FLRT2: variants seen among roughly 807,000 people sequenced by gnomAD.
FLRT2 encodes fibronectin leucine rich transmembrane protein 2, also known as leucine-rich repeat transmembrane protein FLRT2.
FLRT2 carries 15 observed loss-of-function variants against 40.0 expected under a neutral mutation model. The observed-to-expected ratio is 0.38, with a 90% confidence interval of 0.25 to 0.58. The LOEUF (loss-of-function observed/expected upper bound fraction) is 0.58, where lower values mean the gene tolerates loss of function less well. Ranked by LOEUF, FLRT2 falls within the 20% of genes least tolerant of loss-of-function variation. FLRT2 has a pLI of 0.71. For synonymous variants in FLRT2, 380 were observed against 336.8 expected, an observed-to-expected ratio of 1.13 and a Z score of -1.41; for missense variants, 726 against 840.0, an observed-to-expected ratio of 0.86 and a Z score of 1.68.
chr14:85,638,533 G>C lies in FLRT2; in HGVS notation c.*15036G>C, dbSNP rs771844186. ...GTGTCAGCTGCAAAAACCCTCCCAA[G>C]TAAGCCTCTTGTATGCTACTCTGTC... On this transcript the variant is annotated 3_prime_UTR_variant, in exon 2 of 2. Coordinates refer to ENST00000330753, the MANE Select transcript of FLRT2 (RefSeq NM_013231.6). 3.9e-5 allele frequency: 6 copies of C among 152,174 alleles called. No homozygotes were observed. Among genetic ancestry groups the C allele is most frequent in the Non-Finnish European group, 8.8e-5 (6 of 68,094 alleles). 9.4% of individuals were successfully genotyped at this position (152,174 alleles called of 1,614,324 possible).
intron 1 of FLRT2, among the ~76,000 whole-genome samples, chr14:85,607,778 T>A (rs1892687141): frequency 6.6e-6 from 1 of 152,198 alleles, no homozygotes; most frequent in Non-Finnish European, 1.5e-5. Flanking sequence ...TATTAAGAAA[T>A]CAAGCGTCTC....
intron 1 of FLRT2, among the ~76,000 whole-genome samples, chr14:85,620,227 T>C (rs1313593745): frequency 6.6e-6 from 1 of 152,244 alleles, no homozygotes; most frequent in African/African-American, 2.4e-5. Context: ...TTTTTTTTCT[T>C]TGAAAAATTT....
intron 1 of FLRT2, among the ~76,000 whole-genome samples, chr14:85,598,920 T>TG (rs1892256494): frequency 6.8e-6 from 1 of 147,848 alleles, no homozygotes; most frequent in Non-Finnish European, 1.5e-5. Flanking sequence ...GGGATGGTTT[T>TG]TTTTTTTTTT....
intron 1 of FLRT2, among the ~76,000 whole-genome samples, chr14:85,576,114 A>G (rs1891116812): frequency 6.6e-6 from 1 of 152,182 alleles, no homozygotes; most frequent in East Asian, 1.9e-4. Flanking sequence ...TTTGGAGCTC[A>G]CCACGACCAA....
intron 1 of FLRT2, among the ~76,000 whole-genome samples, chr14:85,560,393 G>A (rs1245657187): frequency 6.6e-6 from 1 of 151,950 alleles, no homozygotes; most frequent in African/African-American, 2.4e-5. Flanking sequence ...TGGCCAACAT[G>A]GTGAAACCCC....
chr14:85,635,016 A>T lies in FLRT2; in HGVS notation c.*11519A>T, dbSNP rs190372780. 1 of 152,292 alleles carries T rather than the reference A, an allele frequency of 6.6e-6. No individual in the cohort carries two copies. The highest frequency in any genetic ancestry group is 2.1e-4 in the South Asian group (1 of 4,824). The allele number at this position is 152,292 out of a possible 1,614,324, so 9.4% of individuals were successfully genotyped here. On this transcript the variant is annotated 3_prime_UTR_variant, in exon 2 of 2. Coordinates refer to ENST00000330753, the MANE Select transcript of FLRT2 (RefSeq NM_013231.6). Reference sequence around the variant, plus strand: ...CTGTGTGCTTTTAAAATTCAGGAAGATGTGACTAGGATAGATAAAGCAAAC... The same window carrying T: ...CTGTGTGCTTTTAAAATTCAGGAAGTTGTGACTAGGATAGATAAAGCAAAC...
rs1594983378 is a variant in FLRT2, at chr14:85,653,518, A to G, written c.*30021A>G. The G allele has an allele frequency of 6.6e-6, 1 of 152,196 alleles. No individual in the cohort carries two copies. Among genetic ancestry groups the G allele is most frequent in the Non-Finnish European group, 1.5e-5 (1 of 68,040 alleles). The allele number at this position is 152,196 out of a possible 1,614,324, so 9.4% of individuals were successfully genotyped here. ...TTTAAGGAAAACTGACAAAGCTAAA[A>G]ATACCTCTGCTAGGGGATCTATTAG... On this transcript the variant is annotated 3_prime_UTR_variant, in exon 2 of 2. Transcript: ENST00000330753.
chr14:85,599,566 C>T (rs1441403231), intron 1 of FLRT2, among the ~76,000 whole-genome samples: 1 of 152,182 alleles, frequency 6.6e-6, no homozygotes, highest in East Asian at 1.9e-4. Flanking sequence ...CTCTATACCA[C>T]ATTGGATTGA....
In FLRT2 at chr14:85,645,906, A is replaced by G. The variant is rs1894289028; in HGVS notation, c.*22409A>G. The G allele has an allele frequency of 6.6e-6, 1 of 152,196 alleles. No homozygotes were observed. Among genetic ancestry groups the G allele is most frequent in the East Asian group, 1.9e-4 (1 of 5,188 alleles). 9.4% of individuals were successfully genotyped at this position (152,196 alleles called of 1,614,324 possible). A position where few individuals can be genotyped will look rare whatever the true frequency, so the allele number is the denominator to read the frequency against. ...ATACTCTCATATTGCACTATTCACTAGGAGGTTCAGCAATCTATTTAGTGG... is the reference window on the plus strand; with the variant it reads ...ATACTCTCATATTGCACTATTCACTGGGAGGTTCAGCAATCTATTTAGTGG... On this transcript the variant is annotated 3_prime_UTR_variant, in exon 2 of 2. Coordinates refer to ENST00000330753, the MANE Select transcript of FLRT2 (RefSeq NM_013231.6).
chr14:85,622,932 G>C lies in FLRT2; in HGVS notation c.1418G>C (p.Gly473Ala), dbSNP rs1401787309. 25 of 1,614,202 alleles carry C rather than the reference G, an allele frequency of 1.5e-5. No homozygotes were observed. Among genetic ancestry groups the C allele is most frequent in the Non-Finnish European group, 2.1e-5 (25 of 1,180,028 alleles). ...GGIVQERIVS[G>A]EKQHLSLVNL... ...ATCGTTCAGGAGCGCATAGTCAGCGGTGAGAAGCAACACCTGAGCCTGGTT... is the reference window on the plus strand; with the variant it reads ...ATCGTTCAGGAGCGCATAGTCAGCGCTGAGAAGCAACACCTGAGCCTGGTT... Residue 473 changes from glycine (G) to alanine (A), a missense_variant, in exon 2 of 2, where the codon GGT (glycine) becomes GCT (alanine). Transcript: ENST00000330753.
At chr14:85,563,857 A>G (rs752009504) in intron 1 of FLRT2, among the ~76,000 whole-genome samples, 25 of 152,228 alleles carry the variant, frequency 1.6e-4, no homozygotes, top group Non-Finnish European at 2.2e-4. Flanking sequence ...GAAATGTTCT[A>G]TTTCCTCTTA....
chr14:85,566,809 T>C (rs11159710), intron 1 of FLRT2, among the ~76,000 whole-genome samples: 121,689 of 151,000 alleles, frequency 0.81, 49,300 homozygotes, highest in African/African-American at 0.84. Flanking sequence ...TTCTATGTAT[T>C]AGCTTCCCAG....
intron 1 of FLRT2, among the ~76,000 whole-genome samples, chr14:85,570,592 T>C (rs1890846045): frequency 1.5e-5 from 2 of 137,332 alleles, no homozygotes; most frequent in Admixed American, 1.4e-4. Flanking sequence ...TTTATTTATT[T>C]ATTTATTGAG....
chr14:85,545,426 G>C (rs950388599), intron 1 of FLRT2, among the ~76,000 whole-genome samples: 1 of 152,070 alleles, frequency 6.6e-6, no homozygotes, highest in African/African-American at 2.4e-5. Flanking sequence ...GTCTTAAAAG[G>C]GTAGATGGAC....
At chr14:85,619,095 T>G (rs566073811) in intron 1 of FLRT2, among the ~76,000 whole-genome samples, 150 of 151,558 alleles carry the variant, frequency 9.9e-4, no homozygotes, top group African/African-American at 3.4e-3. Flanking sequence ...TTTTTTTTTT[T>G]TTTTTTCTTT....
At chr14:85,555,508 A>G (rs567979823) in intron 1 of FLRT2, among the ~76,000 whole-genome samples, 62 of 152,170 alleles carry the variant, frequency 4.1e-4, no homozygotes, top group African/African-American at 1.3e-3. Context: ...ATCTCATGAG[A>G]CTTACTTATT....
At chr14:85,572,511 G>A (rs919288050) in intron 1 of FLRT2, among the ~76,000 whole-genome samples, 4 of 152,134 alleles carry the variant, frequency 2.6e-5, no homozygotes, top group Non-Finnish European at 4.4e-5. Flanking sequence ...TTCACGTCCC[G>A]TATTCATGGC....
intron 1 of FLRT2, among the ~76,000 whole-genome samples, chr14:85,566,266 T>G (rs966287806): frequency 6.6e-6 from 1 of 152,130 alleles, no homozygotes; most frequent in Non-Finnish European, 1.5e-5. Flanking sequence ...GTTGAGGGCC[T>G]GATGAGCCAC....
chr14:85,532,796 G>A (rs986108993), intron 1 of FLRT2, among the ~76,000 whole-genome samples: 2 of 152,196 alleles, frequency 1.3e-5, no homozygotes, highest in Non-Finnish European at 2.9e-5. Flanking sequence ...CATTTTGGTT[G>A]AGAGGTTTGC....
Sources: allele counts gnomAD v4.1 joint callset (sites outside exome capture counted in the v4.1 genomes callset), GRCh38; gene constraint gnomAD v4.1.1; transcripts MANE v1.5; gene names NCBI Gene and HGNC (gene_info 2026-07-23, HGNC 2026-07-21).